Variants in UBL3 observed in about 807,000 individuals in gnomAD.
The protein encoded by UBL3 is ubiquitin-like protein 3.
Under a neutral mutation model 18.4 loss-of-function variants are expected in UBL3, and 6 were observed. The ratio of observed to expected loss-of-function variants is 0.33; its 90% CI spans 0.18 to 0.64. The LOEUF is 0.64. UBL3 is among the 30% of genes least tolerant of loss of function. UBL3 has a pLI of 0.76. For missense variants in UBL3, 109 were observed against 142.9 expected, an observed-to-expected ratio of 0.76 and a Z score of 1.21; for synonymous variants, 49 against 46.6, an observed-to-expected ratio of 1.05 and a Z score of -0.21.
chr13:29,836,232 G>A (rs1878958560), intron 1 of UBL3, among the ~76,000 whole-genome samples: 1 of 152,104 alleles, frequency 6.6e-6, no homozygotes, highest in Admixed American at 6.6e-5. Flanking sequence ...TTAAGCAACT[G>A]CTTGGCTGAT....
At chr13:29,825,157 T>C (rs1878583115) in intron 1 of UBL3, among the ~76,000 whole-genome samples, 2 of 152,316 alleles carry the variant, frequency 1.3e-5, no homozygotes, top group South Asian at 2.1e-4. Flanking sequence ...TCCAGCTTTG[T>C]TCTTTTGGCT....
chr13:29,800,750 C>T (rs1877738988), intron 1 of UBL3, among the ~76,000 whole-genome samples: 1 of 152,200 alleles, frequency 6.6e-6, no homozygotes, highest in African/African-American at 2.4e-5. Flanking sequence ...GTTGGAGCAA[C>T]ATTGCCCTAA....
At chr13:29,768,895 T>C (rs1876763509) in intron 3 of UBL3, among the ~76,000 whole-genome samples, 1 of 152,110 alleles carries the variant, frequency 6.6e-6, no homozygotes, top group Non-Finnish European at 1.5e-5. Context: ...GAACTTAAAA[T>C]GTACACATAC....
chr13:29,837,917 A>G (rs1878998823), intron 1 of UBL3, among the ~76,000 whole-genome samples: 1 of 148,068 alleles, frequency 6.8e-6, no homozygotes, highest in Non-Finnish European at 1.5e-5. Context: ...CTCTGTCTCA[A>G]TAATAATAAT....
intron 1 of UBL3, among the ~76,000 whole-genome samples, chr13:29,823,207 A>C (rs1878518493): frequency 6.6e-6 from 1 of 152,052 alleles, no homozygotes; most frequent in Non-Finnish European, 1.5e-5. Context: ...CAATGGTGTG[A>C]TCTCAACTCA....
chr13:29,813,623 G>T (rs559856874), intron 1 of UBL3, among the ~76,000 whole-genome samples: 2 of 152,162 alleles, frequency 1.3e-5, no homozygotes, highest in African/African-American at 2.4e-5. Context: ...TGTATTAGTT[G>T]TAAGTAATCT....
chr13:29,776,937 A>T (rs1877013568), intron 2 of UBL3, among the ~76,000 whole-genome samples: 2 of 151,764 alleles, frequency 1.3e-5, no homozygotes. Context: ...TCTAAGACAG[A>T]AGCAGAGCCA....
chr13:29,842,970 T>C (rs940838779), intron 1 of UBL3, among the ~76,000 whole-genome samples: 8 of 152,226 alleles, frequency 5.3e-5, no homozygotes, highest in African/African-American at 1.9e-4. Flanking sequence ...TAATAAACTT[T>C]GGAAATATGG....
chr13:29,803,175 G>A (rs1023668048), intron 1 of UBL3, among the ~76,000 whole-genome samples: 1 of 152,042 alleles, frequency 6.6e-6, no homozygotes, highest in African/African-American at 2.4e-5. Flanking sequence ...AAGCAAAGGA[G>A]AAATAAATAA....
Position 29,766,478 on chromosome 13 carries a change from A to G in UBL3, c.*777T>C, listed in dbSNP as rs901261521. On this transcript the variant is annotated 3_prime_UTR_variant, in exon 5 of 5. Coordinates refer to ENST00000380680, the MANE Select transcript of UBL3 (RefSeq NM_007106.4). ...AATAATGAAAGCCGATGAGTGACTGAAACTACCCTCCCACATTAAGGCTAG... is the reference window on the plus strand; with the variant it reads ...AATAATGAAAGCCGATGAGTGACTGGAACTACCCTCCCACATTAAGGCTAG... The G allele has an allele frequency of 6.6e-6, 1 of 152,576 alleles. No individual in the cohort carries two copies. The highest frequency in any genetic ancestry group is 1.5e-5 in the Non-Finnish European group (1 of 68,014). 9.5% of individuals were successfully genotyped at this position (152,576 alleles called of 1,614,324 possible).
intron 3 of UBL3, among the ~76,000 whole-genome samples, chr13:29,770,413 T>C (rs887040169): frequency 6.6e-6 from 1 of 152,104 alleles, no homozygotes; most frequent in Non-Finnish European, 1.5e-5. Context: ...TGTTCATTAT[T>C]CTAAAACAGA....
chr13:29,784,696 G>A (rs980913598), intron 1 of UBL3, among the ~76,000 whole-genome samples: 1 of 152,142 alleles, frequency 6.6e-6, no homozygotes, highest in Non-Finnish European at 1.5e-5. Flanking sequence ...CCAGCTGGAA[G>A]GGGAGACAGG....
intron 1 of UBL3, among the ~76,000 whole-genome samples, chr13:29,830,845 A>C (rs1878752464): frequency 6.6e-6 from 1 of 152,216 alleles, no homozygotes; most frequent in South Asian, 2.1e-4. Context: ...AGTATGGAAG[A>C]AAACTACAAG....
intron 1 of UBL3, among the ~76,000 whole-genome samples, chr13:29,846,635 C>T (rs1230664706): frequency 2.0e-5 from 3 of 152,084 alleles, no homozygotes; most frequent in Non-Finnish European, 4.4e-5. Flanking sequence ...ATTGATTTAG[C>T]AATTATTGTA....
At chr13:29,787,423 T>C (rs1010064101) in intron 1 of UBL3, among the ~76,000 whole-genome samples, 10 of 152,304 alleles carry the variant, frequency 6.6e-5, no homozygotes, top group Non-Finnish European at 1.0e-4. Flanking sequence ...TTGGGAAACT[T>C]TGATAAAATT....
chr13:29,796,734 C>A (rs528039700), intron 1 of UBL3, among the ~76,000 whole-genome samples: 106 of 152,150 alleles, frequency 7.0e-4, no homozygotes, highest in Non-Finnish European at 1.0e-3. Flanking sequence ...TGGCTATAAT[C>A]AAAAACGCTG....
At position 29,767,325 on chromosome 13, in the gene UBL3, G is replaced by A; in HGVS notation, c.302-18C>T. 1.2e-6 allele frequency: 2 copies of A among 1,612,876 alleles called. No individual in the cohort carries two copies. The highest frequency in any genetic ancestry group is 1.7e-6 in the Non-Finnish European group (2 of 1,179,216). On this transcript the variant is annotated intron_variant, in intron 4 of 4. Coordinates refer to ENST00000380680, the MANE Select transcript of UBL3 (RefSeq NM_007106.4). ...CCTCTGACCTAGGGAAAACGAAGAA[G>A]AGCCTCGTTTATAAAAATTCTAGAA...
rs1879319536 is a variant in UBL3, at chr13:29,849,666, TAA to T, written c.-130_-129del. 4.7e-6 allele frequency: 6 copies of T among 1,272,330 alleles called. No individual in the cohort carries two copies. Among genetic ancestry groups the T allele is most frequent in the South Asian group, 2.5e-5 (2 of 79,586 alleles). The allele number at this position is 1,272,330 out of a possible 1,614,324, so 78.8% of individuals were successfully genotyped here. On this transcript the variant is annotated 5_prime_UTR_variant, in exon 1 of 5. Transcript: ENST00000380680. Reference sequence around the variant, plus strand: ...CGTGATGTGCTTTCTCCCCCAAAAATAAAGTTATTTTGGAGCCAAAGTGCCGG... The same window carrying T: ...CGTGATGTGCTTTCTCCCCCAAAAATAGTTATTTTGGAGCCAAAGTGCCGG...
At chr13:29,798,037 T>C in intron 1 of UBL3, among the ~76,000 whole-genome samples, 1 of 152,036 alleles carries the variant, frequency 6.6e-6, no homozygotes, top group East Asian at 1.9e-4. Context: ...TATATTTTTT[T>C]TTTGGAGACT....
Sources: gnomAD v4.1 joint callset for allele counts (sites outside exome capture counted in the v4.1 genomes callset) on GRCh38, gnomAD v4.1.1 for gene constraint, MANE v1.5 for transcripts, NCBI Gene and HGNC (gene_info 2026-07-23, HGNC 2026-07-21) for gene names.